Variants in PPP3CA observed in about 807,000 individuals in gnomAD.
The protein encoded by PPP3CA is protein phosphatase 3 catalytic subunit alpha.
A neutral mutation model predicts 66.5 loss-of-function variants in PPP3CA; 14 were observed. That is an observed-to-expected ratio of 0.21 (90% CI 0.14 to 0.33). PPP3CA has a LOEUF of 0.33. Ranked by LOEUF, PPP3CA falls within the 10% of genes least tolerant of loss-of-function variation. The pLI, the probability that PPP3CA is intolerant of heterozygous loss-of-function variation, is 1.00. For synonymous variants in PPP3CA, 232 were observed against 226.2 expected (o/e 1.03, Z -0.23); for missense variants, 317 against 639.5 (o/e 0.50, Z 5.44).
chr4:101,315,860 T>A (rs909809107), intron 1 of PPP3CA, among the ~76,000 whole-genome samples: 1 of 152,178 alleles, frequency 6.6e-6, no homozygotes, highest in Admixed American at 6.5e-5. Context: ...CACCCCCTTT[T>A]CTGCTCATCA....
At chr4:101,238,853 C>T (rs2659530) in intron 1 of PPP3CA, among the ~76,000 whole-genome samples, 8 of 152,044 alleles carry the variant, frequency 5.3e-5, no homozygotes, top group South Asian at 2.1e-4. Flanking sequence ...TGACCTAAGA[C>T]GTTTTGAATG....
At chr4:101,132,753 G>A (rs1209880552) in intron 2 of PPP3CA, among the ~76,000 whole-genome samples, 2 of 152,172 alleles carry the variant, frequency 1.3e-5, no homozygotes, top group South Asian at 2.1e-4. Flanking sequence ...ATCTTATGAG[G>A]CCAGCATCAT....
chr4:101,067,719 G>A (rs1373058042), intron 8 of PPP3CA, among the ~76,000 whole-genome samples: 1 of 151,134 alleles, frequency 6.6e-6, no homozygotes, highest in Non-Finnish European at 1.5e-5. Flanking sequence ...AATGCTAAAT[G>A]ACGAGTTAAT....
At chr4:101,345,792 C>T (rs73835943) in intron 1 of PPP3CA, among the ~76,000 whole-genome samples, 16,148 of 152,158 alleles carry the variant, frequency 0.11, 2,914 homozygotes, top group African/African-American at 0.37. Context: ...AGGAGTTTAT[C>T]ATCCCGTAGG....
intron 10 of PPP3CA, among the ~76,000 whole-genome samples, chr4:101,051,533 T>A (rs953741957): frequency 6.6e-6 from 1 of 152,156 alleles, no homozygotes; most frequent in Non-Finnish European, 1.5e-5. Flanking sequence ...TTTCAGCTAG[T>A]TAACATTACT....
chr4:101,324,486 G>A (rs1729151479), intron 1 of PPP3CA, among the ~76,000 whole-genome samples: 2 of 152,182 alleles, frequency 1.3e-5, no homozygotes, highest in Middle Eastern at 3.4e-3. Flanking sequence ...GTATGTGCCT[G>A]GAACTAAATT....
intron 1 of PPP3CA, among the ~76,000 whole-genome samples, chr4:101,323,795 A>G (rs1206689307): frequency 6.6e-6 from 1 of 152,106 alleles, no homozygotes; most frequent in Non-Finnish European, 1.5e-5. Flanking sequence ...GGTAGCTGCT[A>G]TTACCGTGTT....
At chr4:101,344,672 A>G (rs549917189) in intron 1 of PPP3CA, among the ~76,000 whole-genome samples, 28 of 152,346 alleles carry the variant, frequency 1.8e-4, no homozygotes, top group African/African-American at 6.3e-4. Context: ...TAGCCTTGGA[A>G]TGGTTGAGTG....
chr4:101,184,512 G>A (rs1174854185), intron 2 of PPP3CA, among the ~76,000 whole-genome samples: 1 of 152,062 alleles, frequency 6.6e-6, no homozygotes, highest in Non-Finnish European at 1.5e-5. Context: ...AAAAAAAAGA[G>A]GGCAAAATAT....
intron 2 of PPP3CA, among the ~76,000 whole-genome samples, chr4:101,147,895 T>C (rs1471137459): frequency 2.0e-5 from 3 of 152,170 alleles, no homozygotes; most frequent in African/African-American, 7.2e-5. Flanking sequence ...TGTCTAGTTA[T>C]TATGAGGGAA....
chr4:101,191,058 C>G (rs1321069103), intron 2 of PPP3CA, among the ~76,000 whole-genome samples: 1 of 152,156 alleles, frequency 6.6e-6, no homozygotes, highest in Non-Finnish European at 1.5e-5. Context: ...CTTCAGCTTA[C>G]CCGCTATGAG....
At chr4:101,077,121 C>T (rs1398476142) in intron 8 of PPP3CA, among the ~76,000 whole-genome samples, 1 of 152,186 alleles carries the variant, frequency 6.6e-6, no homozygotes, top group South Asian at 2.1e-4. Context: ...AGAGATGGAA[C>T]ATTTAGTCCT....
chr4:101,098,607 C>G, intron 4 of PPP3CA, 95 bp from the exon 5 acceptor site: 3 of 1,191,174 alleles, frequency 2.5e-6, no homozygotes, highest in Non-Finnish European at 3.5e-6. Context: ...TTGCTAGGAC[C>G]CTATTATTAA....
intron 1 of PPP3CA, among the ~76,000 whole-genome samples, chr4:101,302,493 CAG>C (rs1348943050): frequency 5.9e-5 from 9 of 152,162 alleles, no homozygotes; most frequent in African/African-American, 9.7e-5. Flanking sequence ...AGACAATTAA[CAG>C]AACATGACAT....
rs569826529 is a variant in PPP3CA, at chr4:101,212,687, C to T, written c.59-16571G>A. The stretch of plus-strand genomic sequence containing the variant: ...TGGTTGTCTAAACAAGAATTTTATT[C>T]ATTATCATGGGCAAATAGGAGAATT... On this transcript the variant is annotated intron_variant, in intron 1 of 13. Coordinates refer to ENST00000394854, the MANE Select transcript of PPP3CA (RefSeq NM_000944.5). 2.6e-5 allele frequency among the ~76,000 whole-genome samples: 4 copies of T among 152,164 alleles called. No individual in the cohort carries two copies. In the South Asian group the frequency reaches 8.3e-4, roughly 32 times the overall value.
intron 5 of PPP3CA, among the ~76,000 whole-genome samples, chr4:101,097,604 A>T (rs1226452895): frequency 6.6e-6 from 1 of 152,176 alleles, no homozygotes; most frequent in Admixed American, 6.5e-5. Context: ...ACCAAGAAAA[A>T]TACACTGCGA....
At chr4:101,340,493 G>A (rs994903046) in intron 1 of PPP3CA, among the ~76,000 whole-genome samples, 2 of 151,908 alleles carry the variant, frequency 1.3e-5, no homozygotes, top group Admixed American at 1.3e-4. Context: ...CCAGCAACTG[G>A]GCTAGGTCAT....
chr4:101,049,230 G>T (rs1319197260), intron 10 of PPP3CA, among the ~76,000 whole-genome samples: 4 of 152,130 alleles, frequency 2.6e-5, no homozygotes, highest in Non-Finnish European at 5.9e-5. Context: ...CGCAGAAGCT[G>T]ACTATAAGCA....
chr4:101,050,727 G>C (rs1382805541), intron 10 of PPP3CA, among the ~76,000 whole-genome samples: 1 of 152,146 alleles, frequency 6.6e-6, no homozygotes, highest in African/African-American at 2.4e-5. Flanking sequence ...AATAAGTAAT[G>C]TGCTCATTCA....
Sources: allele counts gnomAD v4.1 joint callset (sites outside exome capture counted in the v4.1 genomes callset), GRCh38; gene constraint gnomAD v4.1.1; transcripts MANE v1.5; gene names NCBI Gene and HGNC (gene_info 2026-07-23, HGNC 2026-07-21).